Variants in CSNK1G2 observed in about 807,000 individuals in gnomAD.
CSNK1G2 encodes casein kinase I isoform gamma-2.
A neutral mutation model predicts 48.0 loss-of-function variants in CSNK1G2; 11 were observed. The observed-to-expected ratio is 0.23, with a 90% confidence interval of 0.14 to 0.38. The LOEUF is 0.38. Among genes scored for constraint, CSNK1G2 ranks in the 10% least tolerant of loss-of-function variants. The pLI is 1.00. For synonymous variants in CSNK1G2, 337 were observed against 254.1 expected, an observed-to-expected ratio of 1.33 and a Z score of -3.10; for missense variants, 446 against 595.5, an observed-to-expected ratio of 0.75 and a Z score of 2.61.
In CSNK1G2 at chr19:1,959,644, G is replaced by A. The variant is rs191100172; in HGVS notation, c.-265-9864G>A. Among the ~76,000 whole-genome samples, 16 of 126,438 alleles carry A rather than the reference G, an allele frequency of 1.3e-4. 2 individuals are homozygous for A. Among genetic ancestry groups the A allele is most frequent in the Middle Eastern group, 4.0e-3 (1 of 252 alleles). 82.9% of individuals were successfully genotyped at this position (126,438 alleles called of 152,430 possible). A position where few individuals can be genotyped will look rare whatever the true frequency, so the allele number is the denominator to read the frequency against. ...CCGTGCCACCTTTAGTGCCACCGTG[G>A]GTCCCCCAGCACCCGCCCCACCTTT... On this transcript the variant is annotated intron_variant, in intron 1 of 11. Transcript: ENST00000255641.
At chr19:1,956,422 C>T (rs909227709) in intron 1 of CSNK1G2, among the ~76,000 whole-genome samples, 1 of 152,128 alleles carries the variant, frequency 6.6e-6, no homozygotes, top group Non-Finnish European at 1.5e-5. Flanking sequence ...GAGGATGAGG[C>T]GGGAAAATTG....
intron 1 of CSNK1G2, among the ~76,000 whole-genome samples, chr19:1,947,749 G>T (rs899711511): frequency 6.6e-6 from 1 of 152,230 alleles, no homozygotes; most frequent in African/African-American, 2.4e-5. Flanking sequence ...GTGCGTTTGC[G>T]CTGGCGTCTG....
At position 1,979,632 on chromosome 19, in the gene CSNK1G2, G is replaced by T. The variant is rs769746203; in HGVS notation, c.991G>T (p.Gly331Trp). 25 of 1,603,942 alleles carry T rather than the reference G, an allele frequency of 1.6e-5. No individual in the cohort carries two copies. The highest frequency in any genetic ancestry group is 2.1e-5 in the Non-Finnish European group (25 of 1,179,836). ...FVFDYEYDWAGKPLPTPIGTV... is the reference protein window; with the variant it reads ...FVFDYEYDWAWKPLPTPIGTV... ...GTTCGACTATGAGTACGACTGGGCCGGGAAGCCCCTGGTAGGTGGGGGGGT... is the reference window on the plus strand; with the variant it reads ...GTTCGACTATGAGTACGACTGGGCCTGGAAGCCCCTGGTAGGTGGGGGGGT... Residue 331 changes from glycine to tryptophan, a missense_variant, in exon 9 of 12, where the codon GGG becomes TGG. This residue lies in a region of CSNK1G2 where 188 missense variants were observed against 179.6 expected (regional missense o/e 1.05). Transcript: ENST00000255641.
At chr19:1,941,440 C>A in intron 1 of CSNK1G2, 22 bp downstream of exon 1, 1 of 148,972 alleles carries the variant, frequency 6.7e-6, no homozygotes, top group South Asian at 2.1e-4. Context: ...CGCGCCCGCC[C>A]CGGCCCCTTC....
Position 1,979,957 on chromosome 19 carries a change from C to T in CSNK1G2, c.1133C>T (p.Ala378Val). 1.9e-6 allele frequency: 3 copies of T among 1,597,622 alleles called. No individual in the cohort carries two copies. Among genetic ancestry groups the T allele is most frequent in the Non-Finnish European group, 2.6e-6 (3 of 1,171,308 alleles). Reference protein sequence around the residue: ...NGELNADDPTAGHSNAPITAP... With the variant: ...NGELNADDPTVGHSNAPITAP... ...GAGCTGAATGCGGACGACCCCACGG[C>T]CGGCCACTCCAACGCCCCGATCACA... The change falls in exon 11 of 12, where the codon GCC becomes GTC. Residue 378 changes from alanine (A) to valine (V), a missense_variant. By Grantham distance (64) the Ala-to-Val change is moderately conservative. Around this residue, in one of 2 missense-constraint regions of CSNK1G2, gnomAD observed 188 missense variants for 179.6 expected, o/e 1.05. Coordinates refer to ENST00000255641, the MANE Select transcript of CSNK1G2 (RefSeq NM_001319.7).
chr19:1,976,341 G>T (rs1225439577), intron 2 of CSNK1G2, among the ~76,000 whole-genome samples: 1 of 152,116 alleles, frequency 6.6e-6, no homozygotes, highest in African/African-American at 2.4e-5. Context: ...CCGGGCTCAG[G>T]GCTGCAGGGA....
intron 1 of CSNK1G2, among the ~76,000 whole-genome samples, chr19:1,958,363 G>A (rs558761522): frequency 2.4e-4 from 36 of 152,084 alleles, no homozygotes; most frequent in African/African-American, 8.7e-4. Flanking sequence ...TGGGGGCCGT[G>A]GGGTTGGTGC....
intron 1 of CSNK1G2, among the ~76,000 whole-genome samples, chr19:1,955,015 C>T (rs1185236883): frequency 1.3e-5 from 2 of 152,156 alleles, no homozygotes; most frequent in South Asian, 2.1e-4. Flanking sequence ...CCAGCCTTTA[C>T]GTCCTCGCTT....
intron 1 of CSNK1G2, among the ~76,000 whole-genome samples, chr19:1,964,148 C>G (rs1030007703): frequency 6.6e-6 from 1 of 151,942 alleles, no homozygotes; most frequent in East Asian, 1.9e-4. Flanking sequence ...TAAAAATTAG[C>G]TGGGCATGGT....
chr19:1,976,149 T>C, intron 2 of CSNK1G2: 1 of 1,252,228 alleles, frequency 8.0e-7, no homozygotes, highest in Non-Finnish European at 1.0e-6. Flanking sequence ...GAGTGTTGGG[T>C]GTTTGGGGCA....
chr19:1,963,029 G>A (rs146402616), intron 1 of CSNK1G2, among the ~76,000 whole-genome samples: 2,614 of 94,760 alleles, frequency 0.028, 30 homozygotes, highest in African/African-American at 0.053. Context: ...CGGCGTGGAC[G>A]CACCTTCAGG....
intron 8 of CSNK1G2, 42 bp from the exon 9 acceptor site, chr19:1,979,453 A>ACCC: frequency 2.8e-6 from 1 of 350,942 alleles, no homozygotes; most frequent in East Asian, 7.1e-5. Flanking sequence ...CCCACCCCCC[A>ACCC]CCCCCACCCC....
chr19:1,953,607 G>A, intron 1 of CSNK1G2: 1 of 437,552 alleles, frequency 2.3e-6, no homozygotes, highest in Admixed American at 2.5e-5. Flanking sequence ...GGTGCTGGGT[G>A]AGTGCCAGCT....
At chr19:1,970,775 C>T (rs2015540773) in intron 2 of CSNK1G2, among the ~76,000 whole-genome samples, 1 of 152,186 alleles carries the variant, frequency 6.6e-6, no homozygotes, top group African/African-American at 2.4e-5. Flanking sequence ...CCAGGTGCAC[C>T]CCCAGTCAGT....
chr19:1,952,740 T>G, intron 1 of CSNK1G2: 1 of 278,506 alleles, frequency 3.6e-6, no homozygotes, highest in South Asian at 3.3e-5. Flanking sequence ...AGGAGCTGAG[T>G]CGTGCGGGAC....
intron 1 of CSNK1G2, among the ~76,000 whole-genome samples, chr19:1,951,063 C>T (rs893594408): frequency 1.7e-4 from 24 of 145,198 alleles, no homozygotes; most frequent in African/African-American, 2.7e-5. Context: ...GAGGAGACGC[C>T]GTGTGCCTGG....
intron 2 of CSNK1G2, chr19:1,974,982 C>T (rs1297492754): frequency 3.5e-6 from 3 of 847,488 alleles, no homozygotes; most frequent in South Asian, 5.4e-5. Context: ...CCAGAGCGCC[C>T]GACCTCCTCC....
rs531560247 is a variant in CSNK1G2, at chr19:1,964,527, C to T, written c.-265-4981C>T. 4.6e-5 allele frequency among the ~76,000 whole-genome samples: 7 copies of T among 152,168 alleles called. No individual in the cohort carries two copies. In the East Asian group the frequency reaches 7.7e-4, roughly 17 times the overall value. ...TCTTCACCCTCTTGTTAGGGGCTAACGCAGCTGGTGACTTGAAGGTGATGC... is the reference window on the plus strand; with the variant it reads ...TCTTCACCCTCTTGTTAGGGGCTAATGCAGCTGGTGACTTGAAGGTGATGC... On this transcript the variant is annotated intron_variant, in intron 1 of 11. Coordinates refer to ENST00000255641, the MANE Select transcript of CSNK1G2 (RefSeq NM_001319.7).
intron 1 of CSNK1G2, chr19:1,953,862 G>A (rs769179876): frequency 4.3e-5 from 23 of 533,360 alleles, no homozygotes; most frequent in South Asian, 3.2e-4. Flanking sequence ...TGCCTTTGCT[G>A]ATGGCGACCT....
Sources: allele counts gnomAD v4.1 joint callset (sites outside exome capture counted in the v4.1 genomes callset), GRCh38; gene constraint gnomAD v4.1.1; regional missense constraint gnomAD v4.1.1; transcripts MANE v1.5; gene names NCBI Gene and HGNC (gene_info 2026-07-23, HGNC 2026-07-21).